Variants in FBLN7 observed in about 807,000 individuals in gnomAD.
FBLN7 encodes the protein fibulin 7, also known as fibulin-7.
FBLN7 carries 31 observed loss-of-function variants against 44.0 expected under a neutral mutation model. The observed-to-expected ratio is 0.70, with a 90% confidence interval of 0.53 to 0.95. FBLN7 has a LOEUF of 0.95. Ranked by LOEUF, FBLN7 falls within the 40% of genes least tolerant of loss-of-function variation. The pLI is 0.00. For synonymous variants in FBLN7, 262 were observed against 253.4 expected (o/e 1.03, Z -0.32); for missense variants, 573 against 618.5 (o/e 0.93, Z 0.78).
At chr2:112,219,200 A>G in the FBLN7 span, among the ~76,000 whole-genome samples, 1 of 152,218 alleles carries the variant, frequency 6.6e-6, no homozygotes, top group Non-Finnish European at 1.5e-5. Context: ...ACAAAGTGAT[A>G]GTAATCAAAA....
Position 112,187,962 on chromosome 2 carries a change from C to T in FBLN7, c.*456C>T, listed in dbSNP as rs1363767341. 5.2e-6 allele frequency: 1 copy of T among 193,730 alleles called. No individual in the cohort carries two copies. Among genetic ancestry groups the T allele is most frequent in the Non-Finnish European group, 1.1e-5 (1 of 94,968 alleles). 12.0% of individuals were successfully genotyped at this position (193,730 alleles called of 1,614,324 possible). A position where few individuals can be genotyped will look rare whatever the true frequency, so the allele number is the denominator to read the frequency against. On this transcript the variant is annotated 3_prime_UTR_variant, in exon 8 of 8. Coordinates refer to ENST00000331203, the MANE Select transcript of FBLN7 (RefSeq NM_153214.3). The surrounding 1 kb of genome is among the most constrained non-coding windows in gnomAD (Gnocchi z 5.1). ...CCTAGTCATGCCTCTGCGCATGTGG[C>T]ATAGGAAGTGGAGTCTCCTCCCATG...
intron 1 of FBLN7, among the ~76,000 whole-genome samples, chr2:112,141,567 G>A (rs1415597915): frequency 7.2e-5 from 11 of 152,220 alleles, no homozygotes; most frequent in African/African-American, 1.7e-4. Context: ...TTGGGGCCAC[G>A]CTAAACCCAC....
chr2:112,203,068 G>T, the FBLN7 span, among the ~76,000 whole-genome samples: 23 of 152,114 alleles, frequency 1.5e-4, no homozygotes, highest in African/African-American at 5.6e-4. Context: ...AAAAAAACTG[G>T]GAAATGAAAT....
chr2:112,181,921 A>G, intron 5 of FBLN7, 45 bp downstream of exon 5: 1 of 1,517,058 alleles, frequency 6.6e-7, no homozygotes, highest in African/African-American at 1.4e-5. Flanking sequence ...CACGGGGAGG[A>G]CATGGGGCGG....
At chr2:112,197,274 CAGAGAGAGAGAG>C in the FBLN7 span, among the ~76,000 whole-genome samples, 388 of 98,640 alleles carry the variant, frequency 3.9e-3, 3 homozygotes, top group African/African-American at 0.011. Flanking sequence ...CACACACACA[CAGAGAGAGAGAG>C]AGAGAGAGAG....
intron 2 of FBLN7, among the ~76,000 whole-genome samples, chr2:112,160,989 G>C (rs1558880880): frequency 6.6e-6 from 1 of 152,196 alleles, no homozygotes; most frequent in Non-Finnish European, 1.5e-5. Flanking sequence ...TGGGAGGGAA[G>C]GGCTGCTGAG....
the FBLN7 span, among the ~76,000 whole-genome samples, chr2:112,210,584 A>AGGAAGAGGTT: frequency 7.3e-6 from 1 of 136,358 alleles, no homozygotes; most frequent in Admixed American, 8.3e-5. Flanking sequence ...TGAACCCAGG[A>AGGAAGAGGTT]GGAAGAGGTT....
the FBLN7 span, among the ~76,000 whole-genome samples, chr2:112,226,735 C>T: frequency 5.9e-5 from 9 of 151,956 alleles, no homozygotes; most frequent in East Asian, 5.8e-4. Context: ...TACCTTGATA[C>T]GAAAGCCAGA....
the FBLN7 span, chr2:112,238,300 T>C: frequency 7.5e-6 from 12 of 1,607,618 alleles, no homozygotes; most frequent in East Asian, 2.2e-5. Flanking sequence ...AATGATAAAA[T>C]AGTTTGACTC....
chr2:112,140,138 C>G (rs1383418013), intron 1 of FBLN7, among the ~76,000 whole-genome samples: 2 of 135,006 alleles, frequency 1.5e-5, no homozygotes, highest in Non-Finnish European at 3.2e-5. Context: ...CCTCCCGCCT[C>G]TCTCCACGCC....
chr2:112,205,273 G>T, the FBLN7 span, among the ~76,000 whole-genome samples: 1 of 151,962 alleles, frequency 6.6e-6, no homozygotes, highest in Non-Finnish European at 1.5e-5. Context: ...TAGAGGAATA[G>T]AGAAACAAAA....
chr2:112,173,419 G>C (rs1185878861), intron 3 of FBLN7, among the ~76,000 whole-genome samples: 1 of 151,898 alleles, frequency 6.6e-6, no homozygotes, highest in African/African-American at 2.4e-5. Context: ...GGAAAGAACA[G>C]TTTAGATAAA....
chr2:112,224,620 C>T, the FBLN7 span, among the ~76,000 whole-genome samples: 1 of 152,210 alleles, frequency 6.6e-6, no homozygotes, highest in East Asian at 1.9e-4. Flanking sequence ...ACAAGTATAT[C>T]CATACAAAAG....
chr2:112,198,301 A>G, the FBLN7 span, among the ~76,000 whole-genome samples: 1 of 152,170 alleles, frequency 6.6e-6, no homozygotes, highest in Admixed American at 6.5e-5. Context: ...TGATTAGTTT[A>G]TAAAAGCGGA....
chr2:112,238,454 AC>A, the FBLN7 span: 1 of 1,613,464 alleles, frequency 6.2e-7, no homozygotes, highest in Non-Finnish European at 8.5e-7. Flanking sequence ...TATCATTATC[AC>A]TATATACATC....
At chr2:112,157,993 G>T (rs960154532) in intron 1 of FBLN7, among the ~76,000 whole-genome samples, 2 of 151,846 alleles carry the variant, frequency 1.3e-5, no homozygotes, top group African/African-American at 2.4e-5. Flanking sequence ...GCCCCCCGGG[G>T]TTCACGCCAT....
chr2:112,225,748 CG>C, the FBLN7 span, among the ~76,000 whole-genome samples: 2 of 151,998 alleles, frequency 1.3e-5, no homozygotes, highest in Non-Finnish European at 2.9e-5. Flanking sequence ...ACCCAGGAGA[CG>C]GAAGTTGCAG....
rs753327780 is a variant in FBLN7, at chr2:112,182,888, C to T, written c.768C>T (p.Pro256=). ...CGGGCTCTTACCGTTGCACCTGCCC[C>T]GGTGGATACCGAACTCTGGCTGACG... The part of the protein sequence containing the change: ...NTPGSYRCTC[P]GGYRTLADGK... Residue 256 remains proline, a synonymous_variant, in exon 6 of 8, where the codon CCC becomes CCT. Transcript: ENST00000331203. The T allele has an allele frequency of 5.6e-6, 9 of 1,612,852 alleles. No homozygotes were observed. Among genetic ancestry groups the T allele is most frequent in the East Asian group, 2.2e-5 (1 of 44,894 alleles).
At chr2:112,214,803 A>G in the FBLN7 span, 1 of 152,148 alleles carries the variant, frequency 6.6e-6, no homozygotes, top group Non-Finnish European at 1.5e-5. Flanking sequence ...CCCACAGGCT[A>G]GCAGCTGCTT....
Sources: allele counts gnomAD v4.1 joint callset (sites outside exome capture counted in the v4.1 genomes callset), GRCh38; gene constraint gnomAD v4.1.1; non-coding constraint Gnocchi (gnomAD v3.1); transcripts MANE v1.5; gene names NCBI Gene and HGNC (gene_info 2026-07-23, HGNC 2026-07-21).